EFNA5: variants seen among roughly 807,000 people sequenced by gnomAD.
EFNA5 encodes the protein ephrin-A5.
A neutral mutation model predicts 22.9 loss-of-function variants in EFNA5; 5 were observed. The observed-to-expected ratio is 0.22, with a 90% CI of 0.11 to 0.46. The LOEUF (loss-of-function observed/expected upper bound fraction) is 0.46. EFNA5 is among the 20% of genes least tolerant of loss of function. The pLI is 0.99. For missense variants in EFNA5, 237 were observed against 293.3 expected (o/e 0.81, Z 1.40); for synonymous variants, 113 against 112.2 (o/e 1.01, Z -0.04).
chr5:107,619,258 G>A (rs1749987479), intron 1 of EFNA5, among the ~76,000 whole-genome samples: 1 of 151,962 alleles, frequency 6.6e-6, no homozygotes, highest in East Asian at 1.9e-4. Context: ...TGTCTCATGA[G>A]TGAAGTAACC....
intron 1 of EFNA5, among the ~76,000 whole-genome samples, chr5:107,438,335 T>C (rs1019732411): frequency 6.6e-6 from 1 of 152,228 alleles, no homozygotes; most frequent in Non-Finnish European, 1.5e-5. Context: ...TAGGTGCCTC[T>C]ATTTGAGAGG....
intron 1 of EFNA5, among the ~76,000 whole-genome samples, chr5:107,447,494 C>T (rs994757017): frequency 2.0e-5 from 3 of 152,144 alleles, no homozygotes; most frequent in Non-Finnish European, 4.4e-5. Context: ...CAGAAATGAA[C>T]CAAGACATAG....
chr5:107,380,502 A>G lies in EFNA5; in HGVS notation c.*753T>C. The stretch of plus-strand genomic sequence containing the variant: ...AAAAATTAGAGGCACTCACACATAC[A>G]CACCCCCAGCAAACCTGTAGTTTTC... On this transcript the variant is annotated 3_prime_UTR_variant, in exon 5 of 5. Coordinates refer to ENST00000333274, the MANE Select transcript of EFNA5 (RefSeq NM_001962.3). 1.1e-5 allele frequency: 3 copies of G among 274,046 alleles called. No homozygotes were observed. Among genetic ancestry groups the G allele is most frequent in the Non-Finnish European group, 2.0e-5 (3 of 150,486 alleles). The allele number at this position is 274,046 out of a possible 1,614,324, so 17.0% of individuals were successfully genotyped here. A position where few individuals can be genotyped will look rare whatever the true frequency, so the allele number is the denominator to read the frequency against.
At chr5:107,620,633 AGT>A (rs1172286272) in intron 1 of EFNA5, among the ~76,000 whole-genome samples, 2 of 152,228 alleles carry the variant, frequency 1.3e-5, no homozygotes, top group Non-Finnish European at 2.9e-5. Flanking sequence ...GTATTCCAAG[AGT>A]TAATTATTTC....
chr5:107,618,510 C>T (rs1158531494), intron 1 of EFNA5, among the ~76,000 whole-genome samples: 1 of 152,164 alleles, frequency 6.6e-6, no homozygotes, highest in Non-Finnish European at 1.5e-5. Flanking sequence ...CTCTCAGCTT[C>T]AATCAACTGA....
At chr5:107,475,290 G>C (rs2112390666) in intron 1 of EFNA5, among the ~76,000 whole-genome samples, 1 of 152,316 alleles carries the variant, frequency 6.6e-6, no homozygotes, top group East Asian at 1.9e-4. Flanking sequence ...ACCCTTGTGA[G>C]ATGGCTAATC....
intron 1 of EFNA5, among the ~76,000 whole-genome samples, chr5:107,493,838 A>C (rs31717): frequency 0.5 from 76,287 of 151,892 alleles, 19,530 homozygotes; most frequent in South Asian, 0.62. Context: ...TTCACAACAA[A>C]CCTATAAGGT....
chr5:107,582,444 C>G (rs1749093202), intron 1 of EFNA5, among the ~76,000 whole-genome samples: 1 of 152,090 alleles, frequency 6.6e-6, no homozygotes, highest in Non-Finnish European at 1.5e-5. Context: ...TTAGAGAACA[C>G]AATATGGACC....
At chr5:107,495,272 G>A (rs939119581) in intron 1 of EFNA5, among the ~76,000 whole-genome samples, 4 of 152,080 alleles carry the variant, frequency 2.6e-5, no homozygotes, top group Non-Finnish European at 5.9e-5. Flanking sequence ...GGAGCCCACC[G>A]GGAGGAACGA....
intron 1 of EFNA5, among the ~76,000 whole-genome samples, chr5:107,475,851 G>A (rs1750270121): frequency 6.6e-6 from 1 of 151,108 alleles, no homozygotes; most frequent in African/African-American, 2.4e-5. Context: ...ACTGTTTCTG[G>A]AGCAATGAGA....
intron 1 of EFNA5, among the ~76,000 whole-genome samples, chr5:107,664,599 A>C (rs1397086421): frequency 6.6e-6 from 1 of 152,192 alleles, no homozygotes; most frequent in Non-Finnish European, 1.5e-5. Flanking sequence ...ATTAAAAGTG[A>C]ATATTAATAC....
chr5:107,562,336 C>G (rs1748566643), intron 1 of EFNA5, among the ~76,000 whole-genome samples: 1 of 152,030 alleles, frequency 6.6e-6, no homozygotes, highest in Non-Finnish European at 1.5e-5. Context: ...CTCCCCTCCG[C>G]CCATCGTCTG....
chr5:107,609,612 C>T (rs912486605), intron 1 of EFNA5, among the ~76,000 whole-genome samples: 5 of 152,172 alleles, frequency 3.3e-5, no homozygotes, highest in African/African-American at 7.2e-5. Flanking sequence ...GGAGGCTGCA[C>T]CACCAAAGTC....
chr5:107,600,991 T>C (rs892900483), intron 1 of EFNA5, among the ~76,000 whole-genome samples: 1 of 152,148 alleles, frequency 6.6e-6, no homozygotes. Context: ...AGACAAGCAA[T>C]GATCAAGTTC....
intron 1 of EFNA5, among the ~76,000 whole-genome samples, chr5:107,563,441 A>ATTC (rs1748590480): frequency 6.6e-6 from 1 of 151,756 alleles, no homozygotes. Flanking sequence ...TATTATTATT[A>ATTC]TTGTCATTAT....
chr5:107,476,058 T>TATATATATATATATGTATATATATATATA lies in EFNA5; in HGVS notation c.126-48550_126-48549insTATATATATATATACATATATATATATAT. 3.6e-3 allele frequency among the ~76,000 whole-genome samples: 148 copies of TATATATATATATATGTATATATATATATA among 41,108 alleles called. 19 individuals are homozygous for TATATATATATATATGTATATATATATATA. The highest frequency in any genetic ancestry group is 0.024 in the African/African-American group (124 of 5,196). The allele number at this position is 41,108 out of a possible 152,430, so 27.0% of individuals were successfully genotyped here. ...GAGAGTTTTTAAACTATATATATAT[T>TATATATATATATATGTATATATATATATA]TTTTTTTTTTGAGACAGAGTCTTGC... is the stretch of plus-strand genomic sequence containing the variant. On this transcript the variant is annotated intron_variant, in intron 1 of 4. Transcript: ENST00000333274.
chr5:107,657,876 A>C (rs2112557898), intron 1 of EFNA5, among the ~76,000 whole-genome samples: 1 of 152,238 alleles, frequency 6.6e-6, no homozygotes, highest in East Asian at 1.9e-4. Context: ...AAAAACAAAA[A>C]ACGCAGAGTA....
intron 1 of EFNA5, among the ~76,000 whole-genome samples, chr5:107,659,749 G>C (rs956401588): frequency 2.6e-5 from 4 of 151,770 alleles, no homozygotes; most frequent in African/African-American, 9.7e-5. Flanking sequence ...TTGATAACAA[G>C]ACCATGCCAA....
At chr5:107,646,374 T>C (rs957198180) in intron 1 of EFNA5, among the ~76,000 whole-genome samples, 8 of 152,154 alleles carry the variant, frequency 5.3e-5, no homozygotes, top group African/African-American at 1.9e-4. Context: ...AATTTAAAGA[T>C]ACTATATGCT....
Sources: allele counts gnomAD v4.1 joint callset (sites outside exome capture counted in the v4.1 genomes callset), GRCh38; gene constraint gnomAD v4.1.1; transcripts MANE v1.5; gene names NCBI Gene and HGNC (gene_info 2026-07-23, HGNC 2026-07-21).